Variants in EYS observed in about 807,000 individuals in gnomAD.
The protein encoded by EYS is EGF-like photoreceptor maintenance factor.
EYS carries 250 observed loss-of-function variants against 282.1 expected under a neutral mutation model. The ratio of observed to expected loss-of-function variants is 0.89; its 90% confidence interval spans 0.80 to 0.98. The LOEUF (loss-of-function observed/expected upper bound fraction) is 0.98. Among genes scored for constraint, EYS ranks in the 50% least tolerant of loss-of-function variants. The probability of loss-of-function intolerance (pLI) is 0.00; values close to 1 mark genes in which losing one functional copy is unlikely to be tolerated. For missense variants in EYS, 4,016 were observed against 3,709.0 expected (o/e 1.08, Z -2.15); for synonymous variants, 1,355 against 1,282.9 (o/e 1.06, Z -1.20).
intron 36 of EYS, chr6:63,822,045 C>G (rs1414993938): frequency 6.6e-6 from 1 of 152,186 alleles, no homozygotes; most frequent in Non-Finnish European, 1.5e-5. Context: ...GAAAGAATTT[C>G]AGTTTTCCTT....
At chr6:64,011,197 A>G (rs541131054) in intron 33 of EYS, among the ~76,000 whole-genome samples, 3 of 152,094 alleles carry the variant, frequency 2.0e-5, no homozygotes, top group African/African-American at 4.8e-5. Context: ...TTGTTTTTGA[A>G]CTTGCCTTCA....
chr6:64,696,502 A>G (rs537788300), intron 22 of EYS, among the ~76,000 whole-genome samples: 5 of 152,266 alleles, frequency 3.3e-5, no homozygotes, highest in Non-Finnish European at 7.4e-5. Flanking sequence ...GAGTCCCCCA[A>G]AATTCCAGCA....
chr6:64,384,411 CAT>C (rs763835821), intron 29 of EYS, among the ~76,000 whole-genome samples: 8 of 152,094 alleles, frequency 5.3e-5, no homozygotes, highest in Non-Finnish European at 1.2e-4. Context: ...TGCAATCACA[CAT>C]GTGTTTTCAA....
intron 29 of EYS, among the ~76,000 whole-genome samples, chr6:64,358,323 C>G (rs562375023): frequency 6.6e-6 from 1 of 151,706 alleles, no homozygotes; most frequent in South Asian, 2.1e-4. Context: ...GTATGTTAAA[C>G]CTGCTTCAAA....
At chr6:64,821,837 C>T in intron 20 of EYS, 114 bp from the exon 21 acceptor site, 1 of 588,532 alleles carries the variant, frequency 1.7e-6, no homozygotes. Context: ...AAAGCACTCC[C>T]ATGAGCAATA....
At chr6:63,911,798 T>C (rs1202220856) in intron 35 of EYS, among the ~76,000 whole-genome samples, 2 of 152,192 alleles carry the variant, frequency 1.3e-5, no homozygotes, top group Non-Finnish European at 2.9e-5. Flanking sequence ...GATCTGGAAA[T>C]CTGAGGAAAA....
intron 12 of EYS, among the ~76,000 whole-genome samples, chr6:65,253,618 C>T (rs1275590681): frequency 6.6e-6 from 1 of 151,698 alleles, no homozygotes; most frequent in African/African-American, 2.4e-5. Context: ...TGAAATTATT[C>T]TAAAAACAAT....
intron 29 of EYS, among the ~76,000 whole-genome samples, chr6:64,363,686 C>T (rs1056991444): frequency 1.3e-5 from 2 of 151,822 alleles, no homozygotes; most frequent in Non-Finnish European, 2.9e-5. Flanking sequence ...GCAAAATCAT[C>T]GTCAATCTAC....
Position 65,411,572 on chromosome 6 carries a change from A to G in EYS, c.863-6205T>C, listed in dbSNP as rs548351728. 3.9e-5 allele frequency among the ~76,000 whole-genome samples: 6 copies of G among 152,024 alleles called. No homozygotes were observed. The East Asian group carries it at 1.2e-3, about 29-fold the overall frequency. On this transcript the variant is annotated intron_variant, in intron 5 of 42. Transcript: ENST00000503581. ...GGTAATCACCACTATAAAAATGTGA[A>G]CCATTCCATGATTACAAAGATCTCT...
At chr6:64,291,439 G>C (rs1398540810) in intron 30 of EYS, among the ~76,000 whole-genome samples, 1 of 151,892 alleles carries the variant, frequency 6.6e-6, no homozygotes, top group Non-Finnish European at 1.5e-5. Flanking sequence ...ACTGAAAATA[G>C]TTTCATTTTC....
At chr6:64,211,159 C>T (rs1765754132) in intron 31 of EYS, among the ~76,000 whole-genome samples, 2 of 152,234 alleles carry the variant, frequency 1.3e-5, no homozygotes, top group African/African-American at 4.8e-5. Flanking sequence ...AATTAATCTC[C>T]TCTAATCTAT....
intron 36 of EYS, among the ~76,000 whole-genome samples, chr6:63,855,504 G>A (rs1349727084): frequency 6.6e-6 from 1 of 152,182 alleles, no homozygotes; most frequent in Non-Finnish European, 1.5e-5. Flanking sequence ...AAGTATAGGT[G>A]TAGTAGTAGG....
intron 2 of EYS, among the ~76,000 whole-genome samples, chr6:65,557,535 G>A (rs551095713): frequency 9.8e-5 from 15 of 152,308 alleles, no homozygotes; most frequent in African/African-American, 1.9e-4. Flanking sequence ...CAGGAACTGC[G>A]GAGCCCCAAA....
intron 14 of EYS, among the ~76,000 whole-genome samples, chr6:64,950,314 T>C (rs1322182553): frequency 6.6e-6 from 1 of 151,988 alleles, no homozygotes; most frequent in Non-Finnish European, 1.5e-5. Flanking sequence ...TATTCTCTTA[T>C]GCCACATAGG....
At chr6:63,974,313 C>T (rs967061713) in intron 35 of EYS, among the ~76,000 whole-genome samples, 8 of 151,780 alleles carry the variant, frequency 5.3e-5, no homozygotes, top group Non-Finnish European at 7.4e-5. Context: ...CACATCTTTT[C>T]CTACTAAAAA....
chr6:64,452,540 C>G (rs557400330), intron 26 of EYS, among the ~76,000 whole-genome samples: 1 of 151,998 alleles, frequency 6.6e-6, no homozygotes, highest in Non-Finnish European at 1.5e-5. Context: ...AAAAAGAGCC[C>G]GCATTGCCAA....
intron 31 of EYS, among the ~76,000 whole-genome samples, chr6:64,083,213 TTC>T (rs1772033246): frequency 6.6e-6 from 1 of 152,144 alleles, no homozygotes; most frequent in African/African-American, 2.4e-5. Context: ...CCAGCCAACT[TTC>T]TTTTTTGTCT....
chr6:65,632,596 T>G (rs2149808952), intron 2 of EYS, among the ~76,000 whole-genome samples: 1 of 152,344 alleles, frequency 6.6e-6, no homozygotes, highest in African/African-American at 2.4e-5. Context: ...ATTACTATCC[T>G]CATTTTCCAT....
At chr6:65,055,475 A>G (rs964374091) in intron 13 of EYS, among the ~76,000 whole-genome samples, 3 of 152,108 alleles carry the variant, frequency 2.0e-5, no homozygotes, top group African/African-American at 7.2e-5. Context: ...CAAATGAACC[A>G]ATATTGATGT....
Sources: allele counts gnomAD v4.1 joint callset (sites outside exome capture counted in the v4.1 genomes callset), GRCh38; gene constraint gnomAD v4.1.1; transcripts MANE v1.5; gene names NCBI Gene and HGNC (gene_info 2026-07-23, HGNC 2026-07-21).